Variants in TXNDC16 observed in about 807,000 individuals in gnomAD.
The protein encoded by TXNDC16 is thioredoxin domain containing 16.
A neutral mutation model predicts 85.6 loss-of-function variants in TXNDC16; 74 were observed. That is an observed-to-expected ratio of 0.86 (90% CI 0.72 to 1.05). The LOEUF is 1.05. Among genes scored for constraint, TXNDC16 ranks in the 50% least tolerant of loss-of-function variants. The probability of loss-of-function intolerance (pLI) is 0.00; values close to 1 mark genes in which losing one functional copy is unlikely to be tolerated. For synonymous variants in TXNDC16, 335 were observed against 326.5 expected (o/e 1.03, Z -0.28); for missense variants, 959 against 947.0 (o/e 1.01, Z -0.17).
chr14:52,544,433 G>A (rs1275317616), intron 1 of TXNDC16, 62 bp from the exon 2 acceptor site: 1 of 151,960 alleles, frequency 6.6e-6, no homozygotes, highest in Admixed American at 6.6e-5. Flanking sequence ...CATAGCTGTA[G>A]GTGAAAATTT....
At chr14:52,483,100 T>C (rs567313004) in intron 12 of TXNDC16, 135 bp from the exon 13 acceptor site, 8 of 668,622 alleles carry the variant, frequency 1.2e-5, no homozygotes, top group East Asian at 9.8e-5. Context: ...ATAGTTAGGA[T>C]GCATGATATT....
At chr14:52,498,501 A>T (rs12588866) in intron 9 of TXNDC16, among the ~76,000 whole-genome samples, 15,396 of 152,086 alleles carry the variant, frequency 0.1, 914 homozygotes, top group East Asian at 0.18. Flanking sequence ...TACAAAAATC[A>T]GTTGCATTTC....
chr14:52,521,990 G>C (rs2037221463), intron 6 of TXNDC16, among the ~76,000 whole-genome samples: 1 of 152,160 alleles, frequency 6.6e-6, no homozygotes. Context: ...GTGGAAAGGT[G>C]GCAACTAAAG....
intron 5 of TXNDC16, among the ~76,000 whole-genome samples, chr14:52,537,070 T>TCTCACA (rs148646199): frequency 1.4e-5 from 2 of 147,352 alleles, no homozygotes; most frequent in African/African-American, 2.5e-5. Context: ...CAACTCACAA[T>TCTCACA]CACACACACA....
At chr14:52,492,528 T>G (rs1472132582) in intron 9 of TXNDC16, among the ~76,000 whole-genome samples, 1 of 152,184 alleles carries the variant, frequency 6.6e-6, no homozygotes, top group Non-Finnish European at 1.5e-5. Context: ...ACACAGAGAA[T>G]GTGTGAGAAT....
At chr14:52,536,073 G>GT (rs1479139250) in intron 6 of TXNDC16, among the ~76,000 whole-genome samples, 1 of 151,848 alleles carries the variant, frequency 6.6e-6, no homozygotes, top group Non-Finnish European at 1.5e-5. Context: ...TTCCTACCTG[G>GT]TACTATGGTC....
At chr14:52,504,793 A>G (rs1001385683) in intron 9 of TXNDC16, among the ~76,000 whole-genome samples, 1 of 152,224 alleles carries the variant, frequency 6.6e-6, no homozygotes, top group South Asian at 2.1e-4. Context: ...ATAAAGAGTC[A>G]AGACCCATCA....
chr14:52,432,135 CTTTG>C lies in TXNDC16; in HGVS notation c.*165_*168del. The C allele has an allele frequency of 3.7e-6, 2 of 546,382 alleles. No homozygotes were observed. Among genetic ancestry groups the C allele is most frequent in the South Asian group, 4.8e-5 (1 of 20,720 alleles). 33.8% of individuals were successfully genotyped at this position (546,382 alleles called of 1,614,324 possible). ...AATTATTTTGCCCTGCTCACTTTTA[CTTTG>C]TTTAATGTAGTTACTAGAAAATTTT... is the stretch of plus-strand genomic sequence containing the variant. On this transcript the variant is annotated 3_prime_UTR_variant, in exon 21 of 21. Coordinates refer to ENST00000281741, the MANE Select transcript of TXNDC16 (RefSeq NM_020784.3).
In TXNDC16 at chr14:52,490,425, T is replaced by A; in HGVS notation, c.950A>T (p.Gln317Leu). 1 of 1,602,554 alleles carries A rather than the reference T, an allele frequency of 6.2e-7. No individual in the cohort carries two copies. The highest frequency in any genetic ancestry group is 2.3e-5 in the East Asian group (1 of 44,244). The change falls in exon 11 of 21, where the codon CAA becomes CTA. Residue 317 changes from glutamine to leucine, a missense_variant. By Grantham distance (113) the Gln-to-Leu change is moderately radical. Transcript: ENST00000281741. ...TCTTTTGAAGACCACATTAGCATCT[T>A]GAGGAATGTTCACTTCCAAAGAGTC... is the stretch of plus-strand genomic sequence containing the variant. ...LRDSLEVNIPQDANVVFKRAE... is the reference protein window; with the variant it reads ...LRDSLEVNIPLDANVVFKRAE...
intron 9 of TXNDC16, among the ~76,000 whole-genome samples, chr14:52,503,306 C>T (rs996766186): frequency 6.6e-6 from 1 of 152,242 alleles, no homozygotes; most frequent in African/African-American, 2.4e-5. Context: ...CAAGTAGCCT[C>T]ACTGGGAGGT....
At chr14:52,502,582 A>G (rs888220092) in intron 9 of TXNDC16, among the ~76,000 whole-genome samples, 4 of 152,178 alleles carry the variant, frequency 2.6e-5, no homozygotes, top group African/African-American at 9.7e-5. Context: ...CAAAACTAAT[A>G]CTACAGGGGG....
Position 52,521,131 on chromosome 14 carries a change from G to T in TXNDC16, c.393-1838C>A, listed in dbSNP as rs78217876. Among the ~76,000 whole-genome samples the T allele has an allele frequency of 6.7e-4, 100 of 149,686 alleles. 1 individual carries two copies. The East Asian group carries it at 0.018, about 27-fold the overall frequency. On this transcript the variant is annotated intron_variant, in intron 6 of 20. Transcript: ENST00000281741. ...AGAATGGTGTTTTACTTTTTTTTTT[G>T]AGACGAAGTCTTGCTCTGTCGCCCG...
chr14:52,492,300 C>G lies in TXNDC16; in HGVS notation c.757-1295G>C, dbSNP rs115651072. On this transcript the variant is annotated intron_variant, in intron 9 of 20. Transcript: ENST00000281741. ...TGGAATTTGTATCCTTTTTGGGGGA[C>G]TGAGTAACCCCAAAAGCCTAAAGAT... Among the ~76,000 whole-genome samples, 725 of 152,240 alleles carry G rather than the reference C, an allele frequency of 4.8e-3. 11 individuals carry two copies. Among genetic ancestry groups the G allele is most frequent in the African/African-American group, 0.017 (696 of 41,536 alleles).
chr14:52,535,187 C>T (rs948657646), intron 6 of TXNDC16, among the ~76,000 whole-genome samples: 6 of 152,180 alleles, frequency 3.9e-5, no homozygotes, highest in Non-Finnish European at 8.8e-5. Flanking sequence ...AACTAGTAAG[C>T]TTCCTGAGAA....
intron 14 of TXNDC16, among the ~76,000 whole-genome samples, chr14:52,475,966 C>G (rs2036011514): frequency 6.6e-6 from 1 of 152,128 alleles, no homozygotes; most frequent in Non-Finnish European, 1.5e-5. Context: ...TGCCAGTATC[C>G]ATGGCTGAGA....
intron 9 of TXNDC16, among the ~76,000 whole-genome samples, chr14:52,499,369 G>A (rs2036603914): frequency 1.3e-5 from 2 of 152,028 alleles, no homozygotes; most frequent in African/African-American, 4.8e-5. Flanking sequence ...GAAAATGTCT[G>A]CAAAACATAT....
At chr14:52,478,999 G>C (rs974900678) in intron 14 of TXNDC16, among the ~76,000 whole-genome samples, 2 of 151,990 alleles carry the variant, frequency 1.3e-5, no homozygotes, top group African/African-American at 2.4e-5. Flanking sequence ...GGGATGCAGG[G>C]ATGATTAAAA....
chr14:52,441,388 C>T (rs75435495), intron 18 of TXNDC16, among the ~76,000 whole-genome samples: 2 of 152,080 alleles, frequency 1.3e-5, no homozygotes. Flanking sequence ...GCAGGCAGAT[C>T]GCCTGAGGTC....
At chr14:52,478,683 C>CA (rs758923777) in intron 14 of TXNDC16, among the ~76,000 whole-genome samples, 4 of 150,594 alleles carry the variant, frequency 2.7e-5, no homozygotes, top group Non-Finnish European at 5.9e-5. Context: ...AAATTACCAA[C>CA]AAAAAAAAAG....
Sources: gnomAD v4.1 joint callset for allele counts (sites outside exome capture counted in the v4.1 genomes callset) on GRCh38, gnomAD v4.1.1 for gene constraint, MANE v1.5 for transcripts, NCBI Gene and HGNC (gene_info 2026-07-23, HGNC 2026-07-21) for gene names.